The following FNIP1 variants were observed in gnomAD, a reference collection of about 807,000 sequenced individuals.
FNIP1 encodes the protein folliculin-interacting protein 1.
In FNIP1, 40 loss-of-function variants were observed where a neutral mutation model predicts 124.5. The observed-to-expected ratio is 0.32, with a 90% confidence interval of 0.25 to 0.42. The LOEUF is 0.42. FNIP1 is among the 10% of genes least tolerant of loss of function. FNIP1 has a pLI of 1.00. For missense variants in FNIP1, 1,176 were observed against 1,403.7 expected, an observed-to-expected ratio of 0.84 and a Z score of 2.59; for synonymous variants, 472 against 470.6, an observed-to-expected ratio of 1.00 and a Z score of -0.04.
chr5:131,776,538 C>A (rs1771813685), intron 1 of FNIP1, among the ~76,000 whole-genome samples: 1 of 152,156 alleles, frequency 6.6e-6, no homozygotes. Context: ...CTTCACATAA[C>A]AAAATACTAA....
chr5:131,790,179 T>C (rs1772357791), intron 1 of FNIP1, among the ~76,000 whole-genome samples: 2 of 152,158 alleles, frequency 1.3e-5, no homozygotes, highest in African/African-American at 4.8e-5. Context: ...CAAATTATAA[T>C]AAATTATTAA....
intron 16 of FNIP1, among the ~76,000 whole-genome samples, chr5:131,648,105 G>C (rs929830856): frequency 6.7e-6 from 1 of 149,524 alleles, no homozygotes; most frequent in Non-Finnish European, 1.5e-5. Flanking sequence ...GGAGGCAGGA[G>C]GATCATCTGA....
At chr5:131,695,384 T>C (rs185423092) in intron 11 of FNIP1, among the ~76,000 whole-genome samples, 9 of 152,276 alleles carry the variant, frequency 5.9e-5, no homozygotes, top group Non-Finnish European at 1.0e-4. Flanking sequence ...ATATAAGAGA[T>C]AGGCATGTCT....
In FNIP1 at chr5:131,671,890, C is replaced by A; in HGVS notation, c.2554G>T (p.Val852Phe). Residue 852 changes from valine (V) to phenylalanine (F), a missense_variant, in exon 14 of 18, where the codon GTT becomes TTT. By Grantham distance (50) the Val-to-Phe change is conservative (BLOSUM62 -1). Transcript: ENST00000510461. The part of the protein sequence containing the change: ...DSIETRTIDD[V>F]PFKTSTDSKD... ...CTATCTGTACTTGTTTTAAATGGAA[C>A]ATCATCAATAGTCCTGGTTTCGATT... 1 of 1,614,104 alleles carries A rather than the reference C, an allele frequency of 6.2e-7. No homozygotes were observed. Among genetic ancestry groups the A allele is most frequent in the Non-Finnish European group, 8.5e-7 (1 of 1,180,018 alleles).
At chr5:131,680,305 T>A (rs1273257379) in intron 11 of FNIP1, among the ~76,000 whole-genome samples, 1 of 152,202 alleles carries the variant, frequency 6.6e-6, no homozygotes, top group Non-Finnish European at 1.5e-5. Flanking sequence ...CCTCTACAAA[T>A]TTTGTTGAAT....
chr5:131,775,891 C>A (rs1194085279), intron 1 of FNIP1, among the ~76,000 whole-genome samples: 3 of 152,166 alleles, frequency 2.0e-5, no homozygotes, highest in Non-Finnish European at 2.9e-5. Flanking sequence ...TTCTGCCTGA[C>A]ACATAAGCTA....
At chr5:131,688,997 C>A (rs1768383954) in intron 11 of FNIP1, among the ~76,000 whole-genome samples, 1 of 151,642 alleles carries the variant, frequency 6.6e-6, no homozygotes, top group African/African-American at 2.4e-5. Context: ...TCACAGAACA[C>A]CAAGCAGGAT....
intron 8 of FNIP1, 41 bp downstream of exon 8, chr5:131,709,160 A>G (rs745567929): frequency 4.6e-6 from 7 of 1,521,948 alleles, no homozygotes; most frequent in Admixed American, 3.4e-5. Flanking sequence ...CAATGCCAAC[A>G]GTAATCTCAT....
chr5:131,660,877 T>C (rs1427410685), intron 15 of FNIP1, among the ~76,000 whole-genome samples: 1 of 152,310 alleles, frequency 6.6e-6, no homozygotes, highest in South Asian at 2.1e-4. Context: ...ACGCTGGCAC[T>C]ATCTCTACCA....
At chr5:131,768,465 G>GT (rs34123871) in intron 1 of FNIP1, among the ~76,000 whole-genome samples, 96 of 148,442 alleles carry the variant, frequency 6.5e-4, no homozygotes, top group Middle Eastern at 3.5e-3. Flanking sequence ...GTCATACACA[G>GT]TTTTTTTTTT....
chr5:131,675,818 G>C (rs1767892829), intron 13 of FNIP1, among the ~76,000 whole-genome samples: 1 of 152,104 alleles, frequency 6.6e-6, no homozygotes, highest in African/African-American at 2.4e-5. Flanking sequence ...TTACCATTTT[G>C]ATTGTGGTGA....
intron 11 of FNIP1, among the ~76,000 whole-genome samples, chr5:131,688,415 A>G (rs1168669030): frequency 6.6e-6 from 1 of 151,980 alleles, no homozygotes; most frequent in Non-Finnish European, 1.5e-5. Context: ...CTAAAATCTT[A>G]TTAAACTCAG....
At chr5:131,714,413 GC>G (rs1464015611) in intron 6 of FNIP1, among the ~76,000 whole-genome samples, 1 of 151,702 alleles carries the variant, frequency 6.6e-6, no homozygotes, top group Non-Finnish European at 1.5e-5. Flanking sequence ...CCTGTCTTTG[GC>G]AAACCGTTAA....
chr5:131,763,130 G>A (rs1464523984), intron 1 of FNIP1, among the ~76,000 whole-genome samples: 1 of 152,122 alleles, frequency 6.6e-6, no homozygotes, highest in Non-Finnish European at 1.5e-5. Context: ...CAGTCAACAA[G>A]AATTTATTGT....
chr5:131,655,946 A>AC (rs1767180814), intron 15 of FNIP1, among the ~76,000 whole-genome samples: 1 of 151,856 alleles, frequency 6.6e-6, no homozygotes, highest in African/African-American at 2.4e-5. Flanking sequence ...ACAAAACAAA[A>AC]AAAAAACTAA....
intron 11 of FNIP1, among the ~76,000 whole-genome samples, chr5:131,679,746 A>G (rs1213532601): frequency 6.6e-6 from 1 of 152,204 alleles, no homozygotes; most frequent in Non-Finnish European, 1.5e-5. Flanking sequence ...AATCAACACA[A>G]AAAAAGATTA....
Position 131,699,052 on chromosome 5 carries a change from A to G in FNIP1, c.1117-50T>C, listed in dbSNP as rs564966904. On this transcript the variant is annotated intron_variant, in intron 10 of 17. Coordinates refer to ENST00000510461, the MANE Select transcript of FNIP1 (RefSeq NM_133372.3). ...TAATTCTTATGTTAATCATGAGCAA[A>G]ACATGGAAAAAAGTCTTTTTTAGAC... is the stretch of plus-strand genomic sequence containing the variant. 5.6e-5 allele frequency: 84 copies of G among 1,491,402 alleles called. No homozygotes were observed. The East Asian group carries it at 2.0e-3, about 35-fold the overall frequency. 92.4% of individuals were successfully genotyped at this position (1,491,402 alleles called of 1,614,324 possible).
chr5:131,646,175 AATC>A (rs1219377641), intron 17 of FNIP1, among the ~76,000 whole-genome samples: 4 of 152,202 alleles, frequency 2.6e-5, no homozygotes. Flanking sequence ...CTCAAGTCAA[AATC>A]ATCAAGTCTG....
At chr5:131,658,435 G>GT (rs1767276725) in intron 15 of FNIP1, among the ~76,000 whole-genome samples, 1 of 150,040 alleles carries the variant, frequency 6.7e-6, no homozygotes, top group South Asian at 2.1e-4. Flanking sequence ...ACAGCTTTTT[G>GT]TTTTTTTTTA....
Sources: gnomAD v4.1 joint callset for allele counts (sites outside exome capture counted in the v4.1 genomes callset) on GRCh38, gnomAD v4.1.1 for gene constraint, MANE v1.5 for transcripts, NCBI Gene and HGNC (gene_info 2026-07-23, HGNC 2026-07-21) for gene names.